Variants in B4GAT1 observed in about 807,000 individuals in gnomAD.
B4GAT1 encodes N-acetyllactosaminide beta-1,3-N-acetylglucosaminyltransferase.
B4GAT1 carries 18 observed loss-of-function variants against 35.0 expected under a neutral mutation model. The ratio of observed to expected loss-of-function variants is 0.51; its 90% CI spans 0.36 to 0.76. The LOEUF (loss-of-function observed/expected upper bound fraction) is 0.76. B4GAT1 is among the 30% of genes least tolerant of loss of function. The probability of loss-of-function intolerance (pLI) is 0.01; values close to 1 mark genes in which losing one functional copy is unlikely to be tolerated. For synonymous variants in B4GAT1, 217 were observed against 251.6 expected, an observed-to-expected ratio of 0.86 and a Z score of 1.30; for missense variants, 458 against 555.0, an observed-to-expected ratio of 0.83 and a Z score of 1.76.
Position 66,347,189 on chromosome 11 carries a change from C to T in B4GAT1, c.357G>A (p.Pro119=). The change falls in exon 1 of 2, where the codon CCG becomes CCA. Residue 119 remains proline (P), a synonymous_variant. Coordinates refer to ENST00000311181, the MANE Select transcript of B4GAT1 (RefSeq NM_006876.3). This position sits in a 1 kb window ranked among gnomAD's most constrained non-coding sequence, Gnocchi z 6.3. ...TGGCCGCGAACACCGACACGGACAG[C>T]GGGCCCTCCCAGCGCTCCAGCAGAC... The part of the protein sequence containing the change: ...LSGLLERWEG[P]LSVSVFAATK... 1 of 1,583,978 alleles carries T rather than the reference C, an allele frequency of 6.3e-7. No homozygotes were observed. The highest frequency in any genetic ancestry group is 8.6e-7 in the Non-Finnish European group (1 of 1,165,916).
At position 66,345,976 on chromosome 11, in the gene B4GAT1, T is replaced by C; in HGVS notation, c.*73A>G. 3 of 1,479,606 alleles carry C rather than the reference T, an allele frequency of 2.0e-6. No homozygotes were observed. The highest frequency in any genetic ancestry group is 2.8e-6 in the Non-Finnish European group (3 of 1,085,754). 91.7% of individuals were successfully genotyped at this position (1,479,606 alleles called of 1,614,324 possible). ...CCTCTGTAAAGTGGAGCGACATTTC[T>C]TACCCCAGTCAGGCCTAAATGGTGG... On this transcript the variant is annotated 3_prime_UTR_variant, in exon 2 of 2. Coordinates refer to ENST00000311181, the MANE Select transcript of B4GAT1 (RefSeq NM_006876.3).
Position 66,345,946 on chromosome 11 carries a change from A to G in B4GAT1, c.*103T>C. Reference sequence around the variant, plus strand: ...TCCAAGTCCAGTGTTTCAACACCACAGCTACCTCTGTAAAGTGGAGCGACA... The same window carrying G: ...TCCAAGTCCAGTGTTTCAACACCACGGCTACCTCTGTAAAGTGGAGCGACA... On this transcript the variant is annotated 3_prime_UTR_variant, in exon 2 of 2. Transcript: ENST00000311181. The G allele has an allele frequency of 7.8e-7, 1 of 1,289,458 alleles. No individual in the cohort carries two copies. Among genetic ancestry groups the G allele is most frequent in the Non-Finnish European group, 1.1e-6 (1 of 925,912 alleles). The allele number at this position is 1,289,458 out of a possible 1,614,324, so 79.9% of individuals were successfully genotyped here.
Position 66,346,207 on chromosome 11 carries a change from C to CA in B4GAT1, c.1089dup (p.Glu364Ter). ...ACCAAGAAACCTTCGTTCAGGACCT[C>CA]AAAATCAAACCCCGCCACATGCAGC... is the stretch of plus-strand genomic sequence containing the variant. On this transcript the variant is annotated frameshift_variant, in exon 2 of 2. Transcript: ENST00000311181. LOFTEE classifies it high-confidence loss of function. The surrounding 1 kb of genome is among the most constrained non-coding windows in gnomAD (Gnocchi z 6.1). 1 of 1,613,636 alleles carries CA rather than the reference C, an allele frequency of 6.2e-7. No homozygotes were observed. Among genetic ancestry groups the CA allele is most frequent in the Non-Finnish European group, 8.5e-7 (1 of 1,179,590 alleles).
rs1855197726 is a variant in B4GAT1 at position 66,345,674 on chromosome 11, TTAATAATAACAATAA to T, written c.*360_*374del. 1 of 178,276 alleles carries T rather than the reference TTAATAATAACAATAA, an allele frequency of 5.6e-6. No individual in the cohort carries two copies. The highest frequency in any genetic ancestry group is 1.2e-5 in the Non-Finnish European group (1 of 85,012). The allele number at this position is 178,276 out of a possible 1,614,324, so 11.0% of individuals were successfully genotyped here. A position where few individuals can be genotyped will look rare whatever the true frequency, so the allele number is the denominator to read the frequency against. ...CTCTCCTACTACCCACCCAAGATTG[TTAATAATAACAATAA>T]TAATAACAACAATAATACTGCGATA... On this transcript the variant is annotated 3_prime_UTR_variant, in exon 2 of 2. Coordinates refer to ENST00000311181, the MANE Select transcript of B4GAT1 (RefSeq NM_006876.3).
Position 66,346,389 on chromosome 11 carries a change from C to G in B4GAT1, c.1056+101G>C. On this transcript the variant is annotated intron_variant, in intron 1 of 1. Coordinates refer to ENST00000311181, the MANE Select transcript of B4GAT1 (RefSeq NM_006876.3). The surrounding 1 kb of genome is among the most constrained non-coding windows in gnomAD (Gnocchi z 6.1). ...ACCCACCTCCTGAACTATGATCCCTCCTGCTTCATTGCCTCCTTTCCATCC... is the reference window on the plus strand; with the variant it reads ...ACCCACCTCCTGAACTATGATCCCTGCTGCTTCATTGCCTCCTTTCCATCC... 4 of 1,540,608 alleles carry G rather than the reference C, an allele frequency of 2.6e-6. No homozygotes were observed. In the South Asian group the frequency reaches 5.0e-5, roughly 19 times the overall value.
At position 66,346,443 on chromosome 11, in the gene B4GAT1, C is replaced by T; in HGVS notation, c.1056+47G>A. On this transcript the variant is annotated intron_variant, in intron 1 of 1. Transcript: ENST00000311181. This position sits in a 1 kb window ranked among gnomAD's most constrained non-coding sequence, Gnocchi z 6.1. ...GCCACTCCTCATAACTCCCTGATCC[C>T]ACCACCCCTCCTGCCCCATTACCCC... The T allele has an allele frequency of 6.4e-7, 1 of 1,560,470 alleles. No individual in the cohort carries two copies. The highest frequency in any genetic ancestry group is 8.7e-7 in the Non-Finnish European group (1 of 1,150,240).
chr11:66,346,884 T>C lies in B4GAT1; in HGVS notation c.662A>G (p.Asn221Ser), dbSNP rs1855225380. 4 of 1,613,946 alleles carry C rather than the reference T, an allele frequency of 2.5e-6. No individual in the cohort carries two copies. Among genetic ancestry groups the C allele is most frequent in the Admixed American group, 1.7e-5 (1 of 60,026 alleles). ...LLRNLAREGA[N>S]YALVIDVDMV... ...GTCCACATCGATCACCAGGGCATAG[T>C]TGGCCCCCTCACGAGCCAGATTCCT... The change falls in exon 1 of 2, where the codon AAC (asparagine) becomes AGC (serine). Residue 221 changes from asparagine (N) to serine (S), a missense_variant. Coordinates refer to ENST00000311181, the MANE Select transcript of B4GAT1 (RefSeq NM_006876.3). The surrounding 1 kb of genome is among the most constrained non-coding windows in gnomAD (Gnocchi z 6.1).
At position 66,346,791 on chromosome 11, in the gene B4GAT1, C is replaced by A. The variant is rs757005775; in HGVS notation, c.755G>T (p.Gly252Val). 2 of 1,613,714 alleles carry A rather than the reference C, an allele frequency of 1.2e-6. No homozygotes were observed. Among genetic ancestry groups the A allele is most frequent in the Non-Finnish European group, 1.7e-6 (2 of 1,179,972 alleles). ...GAAGGCAGGCACCACCAGCGCGGTGCCTCCCCACTGGTTGCTCTGATCCAG... is the reference window on the plus strand; with the variant it reads ...GAAGGCAGGCACCACCAGCGCGGTGACTCCCCACTGGTTGCTCTGATCCAG... ...EMLDQSNQWG[G>V]TALVVPAFEI... The change falls in exon 1 of 2, where the codon GGC (glycine) becomes GTC (valine). Residue 252 changes from glycine to valine, a missense_variant. Transcript: ENST00000311181. This position sits in a 1 kb window ranked among gnomAD's most constrained non-coding sequence, Gnocchi z 6.1.
In B4GAT1 at chr11:66,346,207, C is replaced by T. The variant is rs765579855; in HGVS notation, c.1090G>A (p.Glu364Lys). ...ACCAAGAAACCTTCGTTCAGGACCTCAAAATCAAACCCCGCCACATGCAGC... is the reference window on the plus strand; with the variant it reads ...ACCAAGAAACCTTCGTTCAGGACCTTAAAATCAAACCCCGCCACATGCAGC... ...CELHVAGFDF[E>K]VLNEGFLVHK... The change falls in exon 2 of 2, where the codon GAG becomes AAG. Residue 364 changes from glutamate (E) to lysine (K), a missense_variant. Coordinates refer to ENST00000311181, the MANE Select transcript of B4GAT1 (RefSeq NM_006876.3). The surrounding 1 kb of genome is among the most constrained non-coding windows in gnomAD (Gnocchi z 6.1). The T allele has an allele frequency of 6.2e-7, 1 of 1,613,488 alleles. No homozygotes were observed. Among genetic ancestry groups the T allele is most frequent in the Non-Finnish European group, 8.5e-7 (1 of 1,179,580 alleles).
At position 66,346,841 on chromosome 11, in the gene B4GAT1, C is replaced by T. The variant is rs867191537; in HGVS notation, c.705G>A (p.Gly235=). Residue 235 remains glycine (G), a synonymous_variant, in exon 1 of 2, where the codon GGG becomes GGA. Transcript: ENST00000311181. This position sits in a 1 kb window ranked among gnomAD's most constrained non-coding sequence, Gnocchi z 6.1. ...GCATTTCCCGCAGGCCTCTCCACAG[C>T]CCCTCGCTGGGCACCATGTCCACAT... The part of the protein sequence containing the change: ...VIDVDMVPSE[G]LWRGLREMLD... 6.2e-6 allele frequency: 10 copies of T among 1,613,954 alleles called. No homozygotes were observed. In the Middle Eastern group the frequency reaches 1.3e-3, roughly 213 times the overall value.
Position 66,347,024 on chromosome 11 carries a change from C to T in B4GAT1, c.522G>A (p.Gly174=). The change falls in exon 1 of 2, where the codon GGG becomes GGA. Residue 174 remains glycine, a synonymous_variant. Transcript: ENST00000311181. The surrounding 1 kb of genome is among the most constrained non-coding windows in gnomAD (Gnocchi z 6.3). The part of the protein sequence containing the change: ...EAAVPDPREP[G]EFALLRSCQE... Reference sequence around the variant, plus strand: ...GGCAGGACCGCAGCAGGGCAAACTCCCCCGGCTCCCGGGGGTCGGGCACGG... The same window carrying T: ...GGCAGGACCGCAGCAGGGCAAACTCTCCCGGCTCCCGGGGGTCGGGCACGG... The T allele has an allele frequency of 6.3e-7, 1 of 1,591,526 alleles. No individual in the cohort carries two copies. The highest frequency in any genetic ancestry group is 8.5e-7 in the Non-Finnish European group (1 of 1,170,274).
In B4GAT1 at chr11:66,347,041, C is replaced by G. The variant is rs766114704; in HGVS notation, c.505G>C (p.Asp169His). 2 of 1,588,528 alleles carry G rather than the reference C, an allele frequency of 1.3e-6. No individual in the cohort carries two copies. The highest frequency in any genetic ancestry group is 2.2e-5 in the East Asian group (1 of 44,690). Residue 169 changes from aspartate (D) to histidine (H), a missense_variant, in exon 1 of 2, where the codon GAC becomes CAC. Physicochemically the swap from Asp to His is moderately conservative, Grantham distance 81. Transcript: ENST00000311181. The surrounding 1 kb of genome is among the most constrained non-coding windows in gnomAD (Gnocchi z 6.3). ...GCAAACTCCCCCGGCTCCCGGGGGT[C>G]GGGCACGGCTGCCTCGTAACGCGAG... Reference protein sequence around the residue: ...CPSRYEAAVPDPREPGEFALL... With the variant: ...CPSRYEAAVPHPREPGEFALL...
At position 66,346,771 on chromosome 11, in the gene B4GAT1, C is replaced by T. The variant is rs766537591; in HGVS notation, c.775G>A (p.Ala259Thr). ...CGGCGGGCTCTTCGGATTTCGAAGG[C>T]AGGCACCACCAGCGCGGTGCCTCCC... ...QWGGTALVVPAFEIRRARRMP... is the reference protein window; with the variant it reads ...QWGGTALVVPTFEIRRARRMP... Residue 259 changes from alanine (A) to threonine (T), a missense_variant, in exon 1 of 2, where the codon GCC becomes ACC. Physicochemically the swap from Ala to Thr is moderately conservative, Grantham distance 58. Transcript: ENST00000311181. The surrounding 1 kb of genome is among the most constrained non-coding windows in gnomAD (Gnocchi z 6.1). 2 of 1,613,766 alleles carry T rather than the reference C, an allele frequency of 1.2e-6. No homozygotes were observed. The highest frequency in any genetic ancestry group is 1.1e-5 in the South Asian group (1 of 91,080).
chr11:66,346,639 G>C lies in B4GAT1; in HGVS notation c.907C>G (p.Arg303Gly). The C allele has an allele frequency of 6.2e-7, 1 of 1,613,832 alleles. No homozygotes were observed. Among genetic ancestry groups the C allele is most frequent in the South Asian group, 1.1e-5 (1 of 91,082 alleles). The change falls in exon 1 of 2, where the codon CGC becomes GGC. Residue 303 changes from arginine (R) to glycine (G), a missense_variant. Arg to Gly is a moderately radical substitution (Grantham distance 125). Coordinates refer to ENST00000311181, the MANE Select transcript of B4GAT1 (RefSeq NM_006876.3). This position sits in a 1 kb window ranked among gnomAD's most constrained non-coding sequence, Gnocchi z 6.1. ...TPCQAPTNYS[R>G]WVNLPEESLL... is the part of the protein sequence containing the mutation. ...CTCTCTTCCGGCAGGTTGACCCAGC[G>C]GGAATAGTTGGTGGGTGCCTGGCAG...
rs757219527 is a variant in B4GAT1 at position 66,346,221 on chromosome 11, G to T, written c.1076C>A (p.Ala359Glu). ...GTTCAGGACCTCAAAATCAAACCCC[G>T]CCACATGCAGCTCGCAGGCCTGCAG... ...RISQACELHV[A>E]GFDFEVLNEG... The change falls in exon 2 of 2, where the codon GCG (alanine) becomes GAG (glutamate). Residue 359 changes from alanine to glutamate, a missense_variant. Coordinates refer to ENST00000311181, the MANE Select transcript of B4GAT1 (RefSeq NM_006876.3). The surrounding 1 kb of genome is among the most constrained non-coding windows in gnomAD (Gnocchi z 6.1). 1.9e-6 allele frequency: 3 copies of T among 1,613,066 alleles called. No individual in the cohort carries two copies. Among genetic ancestry groups the T allele is most frequent in the Non-Finnish European group, 2.5e-6 (3 of 1,179,176 alleles).
chr11:66,347,555 G>T lies in B4GAT1; in HGVS notation c.-10C>A, dbSNP rs755352375. The T allele has an allele frequency of 1.1e-5, 15 of 1,310,200 alleles. No homozygotes were observed. The highest frequency in any genetic ancestry group is 1.4e-5 in the Non-Finnish European group (14 of 1,026,268). 81.2% of individuals were successfully genotyped at this position (1,310,200 alleles called of 1,614,324 possible). A position where few individuals can be genotyped will look rare whatever the true frequency, so the allele number is the denominator to read the frequency against. ...CGTAGGACATCTGCATGGCTCTCGG[G>T]GCTCGGGGCGCGCAGCAACGACCAC... On this transcript the variant is annotated 5_prime_UTR_variant, in exon 1 of 2. Coordinates refer to ENST00000311181, the MANE Select transcript of B4GAT1 (RefSeq NM_006876.3). This position sits in a 1 kb window ranked among gnomAD's most constrained non-coding sequence, Gnocchi z 6.3.
At position 66,347,519 on chromosome 11, in the gene B4GAT1, G is replaced by A; in HGVS notation, c.27C>T (p.Cys9=). MQMSYAIR[C]AFYQLLLAAL... ...CGGCCAGCAGCAGCTGGTAGAAGGC[G>A]CACCGGATGGCGTAGGACATCTGCA... The change falls in exon 1 of 2, where the codon TGC becomes TGT. Residue 9 remains cysteine (C), a synonymous_variant. Transcript: ENST00000311181. This position sits in a 1 kb window ranked among gnomAD's most constrained non-coding sequence, Gnocchi z 6.3. The A allele has an allele frequency of 1.3e-6, 2 of 1,501,074 alleles. No homozygotes were observed. The highest frequency in any genetic ancestry group is 1.9e-4 in the Middle Eastern group (1 of 5,222). The allele number at this position is 1,501,074 out of a possible 1,614,324, so 93.0% of individuals were successfully genotyped here.
Position 66,346,301 on chromosome 11 carries a change from C to T in B4GAT1, c.1057-61G>A, listed in dbSNP as rs1025711733. 7 of 1,586,604 alleles carry T rather than the reference C, an allele frequency of 4.4e-6. No individual in the cohort carries two copies. Among genetic ancestry groups the T allele is most frequent in the Non-Finnish European group, 6.0e-6 (7 of 1,162,884 alleles). On this transcript the variant is annotated intron_variant, in intron 1 of 1. Transcript: ENST00000311181. The surrounding 1 kb of genome is among the most constrained non-coding windows in gnomAD (Gnocchi z 6.1). ...ACATTGACAGGCCTGAGACTGACTTCCCTAAAGCCACAGTCCAGCGTCCTC... is the reference window on the plus strand; with the variant it reads ...ACATTGACAGGCCTGAGACTGACTTTCCTAAAGCCACAGTCCAGCGTCCTC...
Position 66,346,493 on chromosome 11 carries a change from G to A in B4GAT1, c.1053C>T (p.Ser351=). 1.2e-6 allele frequency: 2 copies of A among 1,600,740 alleles called. No homozygotes were observed. The highest frequency in any genetic ancestry group is 1.7e-6 in the Non-Finnish European group (2 of 1,170,770). ...CTGCCCTCTCCCTTATGAGCACCTG[G>A]CTGATTCGGTTGAAGCCGTACTGCC... is the stretch of plus-strand genomic sequence containing the variant. The part of the protein sequence containing the change: ...RFRQYGFNRI[S]QACELHVAGF... The change falls in exon 1 of 2, where the codon AGC becomes AGT. Residue 351 remains serine, a synonymous_variant. Coordinates refer to ENST00000311181, the MANE Select transcript of B4GAT1 (RefSeq NM_006876.3). This position sits in a 1 kb window ranked among gnomAD's most constrained non-coding sequence, Gnocchi z 6.1.
Sources: gnomAD v4.1 joint callset for allele counts on GRCh38, gnomAD v4.1.1 for gene constraint, Gnocchi (gnomAD v3.1) non-coding constraint, MANE v1.5 for transcripts, NCBI Gene and HGNC (gene_info 2026-07-23, HGNC 2026-07-21) for gene names.